The following TRPM3 variants were observed in gnomAD, a reference collection of about 807,000 sequenced individuals.
The protein encoded by TRPM3 is transient receptor potential cation channel subfamily M member 3.
TRPM3 carries 77 observed loss-of-function variants against 181.2 expected under a neutral mutation model. The ratio of observed to expected loss-of-function variants is 0.42; its 90% CI spans 0.35 to 0.51. The LOEUF (loss-of-function observed/expected upper bound fraction) is 0.51. TRPM3 is among the 20% of genes least tolerant of loss of function. The pLI, the probability that TRPM3 is intolerant of heterozygous loss-of-function variation, is 0.01. For synonymous variants in TRPM3, 745 were observed against 796.4 expected (o/e 0.94, Z 1.09); for missense variants, 1,759 against 2,196.7 (o/e 0.80, Z 3.98).
chr9:71,252,887 A>G (rs12344482), intron 1 of TRPM3, among the ~76,000 whole-genome samples: 6,285 of 131,402 alleles, frequency 0.048, 164 homozygotes, highest in East Asian at 0.12. Flanking sequence ...CAGTCTTTCA[A>G]TGTTGCCCAG....
At chr9:71,182,081 G>GT (rs753928423) in intron 1 of TRPM3, among the ~76,000 whole-genome samples, 5 of 151,880 alleles carry the variant, frequency 3.3e-5, no homozygotes, top group East Asian at 1.9e-4. Flanking sequence ...CAGATGTCTT[G>GT]TTTTTTTTAT....
Position 70,831,983 on chromosome 9 carries a change from A to ATATATATTTATATATATATATATATT in TRPM3, c.802-3966_802-3965insAATATATATATATATATAAATATATA, listed in dbSNP as rs1554730508. 9.1e-4 allele frequency among the ~76,000 whole-genome samples: 94 copies of ATATATATTTATATATATATATATATT among 103,396 alleles called. 4 individuals are homozygous for ATATATATTTATATATATATATATATT. The highest frequency in any genetic ancestry group is 3.4e-3 in the African/African-American group (80 of 23,586). 67.8% of individuals were successfully genotyped at this position (103,396 alleles called of 152,430 possible). On this transcript the variant is annotated intron_variant, in intron 5 of 25. Transcript: ENST00000677713. Reference sequence around the variant, plus strand: ...CATAAATATATATATATATATATATATATATATATATATACCTACTATGTA... The same window carrying ATATATATTTATATATATATATATATT: ...CATAAATATATATATATATATATATATATATATTTATATATATATATATATTTATATATATATATACCTACTATGTA...
At chr9:70,836,930 T>C (rs868160960) in intron 5 of TRPM3, among the ~76,000 whole-genome samples, 2 of 152,196 alleles carry the variant, frequency 1.3e-5, no homozygotes, top group Non-Finnish European at 2.9e-5. Context: ...CATGCCCAGA[T>C]CCAAACTCAT....
intron 1 of TRPM3, among the ~76,000 whole-genome samples, chr9:70,876,485 A>G (rs1262962503): frequency 6.6e-6 from 1 of 151,628 alleles, no homozygotes; most frequent in African/African-American, 2.4e-5. Flanking sequence ...AAAAATTATA[A>G]AAATTAAATA....
intron 1 of TRPM3, among the ~76,000 whole-genome samples, chr9:71,105,399 G>A (rs1266014788): frequency 2.0e-5 from 3 of 152,162 alleles, no homozygotes; most frequent in Non-Finnish European, 4.4e-5. Flanking sequence ...GGTCACATGG[G>A]AAAAACACCA....
chr9:71,128,939 C>T lies in TRPM3; in HGVS notation c.184-264428G>A, dbSNP rs1158770777. Among the ~76,000 whole-genome samples, 7 of 152,216 alleles carry T rather than the reference C, an allele frequency of 4.6e-5. No homozygotes were observed. The East Asian group carries it at 9.6e-4, about 21-fold the overall frequency. On this transcript the variant is annotated intron_variant, in intron 1 of 24. Coordinates refer to the TRPM3 transcript ENST00000357533. ...TGAGGGCCTGCCCAAGCTACACACCCTGCCTTGTGCATCTGGGCTTCTCAC... is the reference window on the plus strand; with the variant it reads ...TGAGGGCCTGCCCAAGCTACACACCTTGCCTTGTGCATCTGGGCTTCTCAC...
chr9:70,561,967 C>T (rs1057353592), intron 22 of TRPM3, among the ~76,000 whole-genome samples: 2 of 152,138 alleles, frequency 1.3e-5, no homozygotes, highest in African/African-American at 4.8e-5. Context: ...GCTAAATTCC[C>T]TTTTTTAGGA....
intron 20 of TRPM3, among the ~76,000 whole-genome samples, chr9:70,602,904 G>T (rs890669370): frequency 1.3e-5 from 2 of 152,176 alleles, no homozygotes; most frequent in Admixed American, 6.5e-5. Flanking sequence ...ATAAACCAGA[G>T]AATAAATCCA....
chr9:71,302,364 C>T (rs1198593613), intron 1 of TRPM3, among the ~76,000 whole-genome samples: 2 of 152,106 alleles, frequency 1.3e-5, no homozygotes, highest in East Asian at 1.9e-4. Flanking sequence ...GAAGGACTAC[C>T]TAATTGATAT....
In TRPM3 at chr9:70,618,870, G is replaced by T. The variant is rs746593505; in HGVS notation, c.2355C>A (p.Leu785=). The change falls in exon 17 of 26, where the codon CTC becomes CTA. Residue 785 remains leucine (L), a synonymous_variant. Coordinates refer to ENST00000677713, the MANE Select transcript of TRPM3 (RefSeq NM_001366145.2). ...GGGCCTTATTGGGCGCCCTGACCTT[G>T]AGGCCTGAGTTCTTGCGCATGCGGA... is the stretch of plus-strand genomic sequence containing the variant. ...GRLRMRKNSG[L]KVILGILLPP... 2.5e-6 allele frequency: 4 copies of T among 1,604,952 alleles called. No individual in the cohort carries two copies. The East Asian group carries it at 6.7e-5, about 27-fold the overall frequency.
intron 6 of TRPM3, among the ~76,000 whole-genome samples, chr9:70,806,678 A>G (rs2090761474): frequency 6.7e-6 from 1 of 148,752 alleles, no homozygotes; most frequent in South Asian, 2.1e-4. Context: ...TGACAGAGCT[A>G]GACTCCGTCT....
chr9:71,060,160 A>G (rs2061148773), intron 1 of TRPM3, among the ~76,000 whole-genome samples: 1 of 152,118 alleles, frequency 6.6e-6, no homozygotes, highest in African/African-American at 2.4e-5. Context: ...CTTGCTAATC[A>G]TCACAGCTGA....
chr9:70,901,305 A>G (rs2096382936), intron 1 of TRPM3, among the ~76,000 whole-genome samples: 1 of 152,228 alleles, frequency 6.6e-6, no homozygotes, highest in Non-Finnish European at 1.5e-5. Flanking sequence ...ATTAGGTAAT[A>G]TAGGGTCAGT....
chr9:70,905,577 A>C (rs2096452791), intron 1 of TRPM3, among the ~76,000 whole-genome samples: 1 of 152,184 alleles, frequency 6.6e-6, no homozygotes, highest in African/African-American at 2.4e-5. Flanking sequence ...CTGTATAGAC[A>C]GGCCAACAAG....
chr9:71,147,778 C>G (rs2075503858), intron 1 of TRPM3, among the ~76,000 whole-genome samples: 1 of 152,158 alleles, frequency 6.6e-6, no homozygotes, highest in South Asian at 2.1e-4. Context: ...AATGCTGCCT[C>G]TGGACAAAGG....
At chr9:71,234,951 A>G (rs1247876501) in intron 1 of TRPM3, among the ~76,000 whole-genome samples, 2 of 152,194 alleles carry the variant, frequency 1.3e-5, no homozygotes, top group African/African-American at 4.8e-5. Context: ...TCTATCCTAC[A>G]TAGGCTTCAT....
Position 70,864,518 on chromosome 9 carries a change from A to T in TRPM3, c.178-7T>A. On this transcript the variant is annotated splice_region_variant and splice_polypyrimidine_tract_variant and intron_variant, in intron 1 of 25. Transcript: ENST00000677713. ...CTATCCAGGATTTCTGAGCCTGAAA[A>T]AGAAAACAAAAAAAAAAAAAAAAGA... 1 of 1,463,078 alleles carries T rather than the reference A, an allele frequency of 6.8e-7. No individual in the cohort carries two copies. Among genetic ancestry groups the T allele is most frequent in the South Asian group, 1.5e-5 (1 of 66,790 alleles). The allele number at this position is 1,463,078 out of a possible 1,614,324, so 90.6% of individuals were successfully genotyped here.
At chr9:70,936,214 T>C (rs2096827305) in intron 1 of TRPM3, among the ~76,000 whole-genome samples, 1 of 152,224 alleles carries the variant, frequency 6.6e-6, no homozygotes, top group South Asian at 2.1e-4. Context: ...AATAAGTAAA[T>C]AGATGACTAA....
rs2074337239 is a variant in TRPM3, at chr9:71,130,994, ACAC to A, written c.184-266486_184-266484del. ...GCATGATGTATTTACTTTTATGAAA[ACAC>A]CACAATTAAAATAGATCAAGCCACT... On this transcript the variant is annotated intron_variant, in intron 1 of 24. Transcript: ENST00000357533. Among the ~76,000 whole-genome samples, 4 of 152,188 alleles carry A rather than the reference ACAC, an allele frequency of 2.6e-5. No homozygotes were observed. The South Asian group carries it at 8.3e-4, about 32-fold the overall frequency.
Sources: gnomAD v4.1 joint callset for allele counts (sites outside exome capture counted in the v4.1 genomes callset) on GRCh38, gnomAD v4.1.1 for gene constraint, MANE v1.5 for transcripts, NCBI Gene and HGNC (gene_info 2026-07-23, HGNC 2026-07-21) for gene names.